Variants in OCA2 observed in about 807,000 individuals in gnomAD.
OCA2 encodes the protein P protein.
OCA2 carries 77 observed loss-of-function variants against 100.2 expected under a neutral mutation model. The observed-to-expected ratio is 0.77, with a 90% CI of 0.64 to 0.93. The LOEUF is 0.93. Among genes scored for constraint, OCA2 ranks in the 40% least tolerant of loss-of-function variants. OCA2 has a pLI of 0.00. For missense variants in OCA2, 1,062 were observed against 1,089.1 expected (o/e 0.98, Z 0.35); for synonymous variants, 432 against 439.2 (o/e 0.98, Z 0.21).
intron 23 of OCA2, among the ~76,000 whole-genome samples, chr15:27,772,690 A>G (rs1211798023): frequency 6.6e-6 from 1 of 152,022 alleles, no homozygotes; most frequent in Non-Finnish European, 1.5e-5. Flanking sequence ...AAAATACAAA[A>G]ATTAGCTGGG....
chr15:27,993,848 T>C (rs1028793344), intron 9 of OCA2, among the ~76,000 whole-genome samples: 23 of 152,092 alleles, frequency 1.5e-4, no homozygotes, highest in Admixed American at 2.0e-4. Context: ...TCACTTCCCA[T>C]TTAAAAAATG....
chr15:27,920,317 G>A (rs893922269), intron 19 of OCA2, among the ~76,000 whole-genome samples: 2 of 152,018 alleles, frequency 1.3e-5, no homozygotes, highest in African/African-American at 4.8e-5. Flanking sequence ...AAAAGAGCTG[G>A]AGTAACTATG....
At chr15:27,833,290 A>G (rs10162623) in intron 23 of OCA2, among the ~76,000 whole-genome samples, 76,438 of 152,158 alleles carry the variant, frequency 0.5, 19,869 homozygotes, top group South Asian at 0.77. Flanking sequence ...TAGCCAATCA[A>G]TATGCTATCG....
intron 14 of OCA2, among the ~76,000 whole-genome samples, chr15:27,978,690 A>T (rs12915936): frequency 3.9e-4 from 58 of 150,078 alleles, no homozygotes; most frequent in East Asian, 1.2e-3. Context: ...AGAGAGAGAC[A>T]TTTTTTTTTT....
intron 23 of OCA2, among the ~76,000 whole-genome samples, chr15:27,837,578 G>T (rs1173927284): frequency 2.0e-5 from 3 of 152,200 alleles, no homozygotes; most frequent in South Asian, 2.1e-4. Flanking sequence ...AGAGAAGAAA[G>T]AAATAAAAAT....
chr15:27,962,618 TTAG>T, intron 15 of OCA2, among the ~76,000 whole-genome samples: 2 of 152,248 alleles, frequency 1.3e-5, no homozygotes, highest in Non-Finnish European at 2.9e-5. Flanking sequence ...TCGCTCAAAG[TTAG>T]TGGTATAATA....
At chr15:27,889,442 C>T (rs759152542) in intron 19 of OCA2, among the ~76,000 whole-genome samples, 16 of 152,130 alleles carry the variant, frequency 1.1e-4, no homozygotes, top group Non-Finnish European at 2.1e-4. Flanking sequence ...GAAGAAAGGC[C>T]CCTGGGGCTC....
chr15:27,853,818 G>A (rs1329779012), intron 21 of OCA2, among the ~76,000 whole-genome samples: 1 of 152,160 alleles, frequency 6.6e-6, no homozygotes, highest in Admixed American at 6.5e-5. Flanking sequence ...AGCAGGAGGA[G>A]AGCACCAATG....
At chr15:27,849,075 G>A (rs957106586) in intron 22 of OCA2, among the ~76,000 whole-genome samples, 3 of 151,616 alleles carry the variant, frequency 2.0e-5, no homozygotes, top group Non-Finnish European at 4.4e-5. Flanking sequence ...CATGCTGCCT[G>A]GGTGGGTGTG....
At chr15:28,070,457 C>T (rs1245066228) in intron 2 of OCA2, among the ~76,000 whole-genome samples, 2 of 123,054 alleles carry the variant, frequency 1.6e-5, no homozygotes, top group Non-Finnish European at 3.1e-5. Context: ...TCAGCCCCCC[C>T]ACCCGGCCAG....
chr15:27,780,919 GA>G (rs2032506910), intron 23 of OCA2, among the ~76,000 whole-genome samples: 1 of 151,732 alleles, frequency 6.6e-6, no homozygotes, highest in African/African-American at 2.4e-5. Flanking sequence ...AAATTATGAG[GA>G]AAAAAAAGCT....
At chr15:27,938,935 G>A (rs539648990) in intron 18 of OCA2, among the ~76,000 whole-genome samples, 12 of 152,280 alleles carry the variant, frequency 7.9e-5, no homozygotes, top group South Asian at 4.2e-4. Flanking sequence ...TACAACTGCC[G>A]TGATGGACCT....
chr15:27,929,351 T>C (rs1019333934), intron 18 of OCA2, among the ~76,000 whole-genome samples: 11 of 152,362 alleles, frequency 7.2e-5, no homozygotes, highest in Admixed American at 1.3e-4. Flanking sequence ...TTATGGTCAA[T>C]TGATTTTTTT....
At chr15:27,899,714 C>A (rs1264172341) in intron 19 of OCA2, among the ~76,000 whole-genome samples, 1 of 152,164 alleles carries the variant, frequency 6.6e-6, no homozygotes, top group Non-Finnish European at 1.5e-5. Context: ...AGAACAGTGG[C>A]CTGCTAAAGC....
At chr15:28,083,779 T>C (rs148979240) in intron 1 of OCA2, among the ~76,000 whole-genome samples, 21 of 152,356 alleles carry the variant, frequency 1.4e-4, no homozygotes, top group African/African-American at 4.6e-4. Context: ...AACTTTATCC[T>C]TACCATTAAT....
rs2040252358 is a variant in OCA2, at chr15:27,957,237, G to A, written c.1784+351C>T. On this transcript the variant is annotated intron_variant, in intron 16 of 23. Coordinates refer to ENST00000354638, the MANE Select transcript of OCA2 (RefSeq NM_000275.3). The surrounding 1 kb of genome is among the most constrained non-coding windows in gnomAD (Gnocchi z 4.3). ...TGTCAAATTAGTCTTTGCATTAATG[G>A]TTTTTGGTTTTTGTCGTGCAACAAT... 6.6e-6 allele frequency among the ~76,000 whole-genome samples: 1 copy of A among 152,184 alleles called. No individual in the cohort carries two copies. Among genetic ancestry groups the A allele is most frequent in the Non-Finnish European group, 1.5e-5 (1 of 68,040 alleles).
chr15:27,889,850 G>A (rs1014941379), intron 19 of OCA2, among the ~76,000 whole-genome samples: 4 of 152,160 alleles, frequency 2.6e-5, no homozygotes, highest in African/African-American at 9.7e-5. Context: ...GGGCTTTAGA[G>A]CCAACCCTGA....
At chr15:27,821,946 ACT>A (rs2034524774) in intron 23 of OCA2, among the ~76,000 whole-genome samples, 1 of 152,148 alleles carries the variant, frequency 6.6e-6, no homozygotes, top group African/African-American at 2.4e-5. Context: ...TGGCAACTTA[ACT>A]CTCTGTTATA....
At chr15:28,044,197 TAAA>T (rs1368029240) in intron 2 of OCA2, among the ~76,000 whole-genome samples, 1 of 152,240 alleles carries the variant, frequency 6.6e-6, no homozygotes, top group Non-Finnish European at 1.5e-5. Context: ...AGTATAGTCT[TAAA>T]AAATTATTCT....
Sources: gnomAD v4.1 joint callset for allele counts (sites outside exome capture counted in the v4.1 genomes callset) on GRCh38, gnomAD v4.1.1 for gene constraint, Gnocchi (gnomAD v3.1) non-coding constraint, MANE v1.5 for transcripts, NCBI Gene and HGNC (gene_info 2026-07-23, HGNC 2026-07-21) for gene names.